Variants in CDYL2 observed in about 807,000 individuals in gnomAD.
CDYL2 encodes chromodomain Y-like protein 2.
A neutral mutation model predicts 49.4 loss-of-function variants in CDYL2; 23 were observed. That is an observed-to-expected ratio of 0.47 (90% CI 0.34 to 0.66). The LOEUF is 0.66. Among genes scored for constraint, CDYL2 ranks in the 30% least tolerant of loss-of-function variants. The pLI is 0.01. For synonymous variants in CDYL2, 360 were observed against 268.8 expected (o/e 1.34, Z -3.32); for missense variants, 678 against 656.4 (o/e 1.03, Z -0.36).
chr16:80,608,021 G>C (rs1180671680), intron 6 of CDYL2, 71 bp downstream of exon 6: 2 of 1,470,080 alleles, frequency 1.4e-6, no homozygotes, highest in East Asian at 2.6e-5. Context: ...GAAGCCCTCT[G>C]AGCCTTGCTG....
rs191379109 is a variant in CDYL2, at chr16:80,786,324, A to C, written c.24+17826T>G. 5.9e-5 allele frequency among the ~76,000 whole-genome samples: 9 copies of C among 152,372 alleles called. No homozygotes were observed. The East Asian group carries it at 1.7e-3, about 29-fold the overall frequency. On this transcript the variant is annotated intron_variant, in intron 1 of 6. Transcript: ENST00000570137. Reference sequence around the variant, plus strand: ...CAAAGGATATGAACAGACACTTCTCAAAAGAAGACATTTATGCAGCCAACA... The same window carrying C: ...CAAAGGATATGAACAGACACTTCTCCAAAGAAGACATTTATGCAGCCAACA...
chr16:80,653,676 A>G (rs1908682702), intron 2 of CDYL2, among the ~76,000 whole-genome samples: 1 of 152,212 alleles, frequency 6.6e-6, no homozygotes, highest in Non-Finnish European at 1.5e-5. Flanking sequence ...TTCCTCAAGC[A>G]TGTATTCTTT....
chr16:80,690,167 C>T (rs755684277), intron 1 of CDYL2, among the ~76,000 whole-genome samples: 1 of 151,736 alleles, frequency 6.6e-6, no homozygotes, highest in African/African-American at 2.4e-5. Context: ...AAAAAGGACT[C>T]GTACTCTGAT....
chr16:80,703,958 G>T (rs1434432260), intron 1 of CDYL2, among the ~76,000 whole-genome samples: 1 of 152,188 alleles, frequency 6.6e-6, no homozygotes, highest in Non-Finnish European at 1.5e-5. Flanking sequence ...ACTGCATACT[G>T]AATTCCAAAG....
intron 1 of CDYL2, among the ~76,000 whole-genome samples, chr16:80,706,601 G>C (rs1038043654): frequency 5.3e-5 from 8 of 152,196 alleles, no homozygotes; most frequent in Non-Finnish European, 7.3e-5. Flanking sequence ...CAAGCCGCTA[G>C]GGGCAGCCCC....
intron 2 of CDYL2, among the ~76,000 whole-genome samples, chr16:80,665,159 C>T (rs1004864977): frequency 3.3e-5 from 5 of 152,118 alleles, no homozygotes; most frequent in Non-Finnish European, 5.9e-5. Context: ...ATATTTTCTA[C>T]AAATCTTCTT....
intron 1 of CDYL2, among the ~76,000 whole-genome samples, chr16:80,761,044 T>C (rs1227939539): frequency 6.6e-6 from 1 of 152,106 alleles, no homozygotes; most frequent in East Asian, 1.9e-4. Flanking sequence ...GCGTTGTTAA[T>C]TGTGAAGAAA....
intron 1 of CDYL2, among the ~76,000 whole-genome samples, chr16:80,691,056 C>T (rs1296148163): frequency 6.6e-6 from 1 of 151,354 alleles, no homozygotes; most frequent in Non-Finnish European, 1.5e-5. Context: ...AAAAGCAAGG[C>T]CAAAAAAAAA....
chr16:80,676,732 CTT>C (rs977575117), intron 2 of CDYL2, among the ~76,000 whole-genome samples: 1 of 152,192 alleles, frequency 6.6e-6, no homozygotes, highest in African/African-American at 2.4e-5. Flanking sequence ...CTCCTCCTCT[CTT>C]TGTCTGGTTT....
At chr16:80,711,850 T>C (rs1461479667) in intron 1 of CDYL2, among the ~76,000 whole-genome samples, 2 of 152,086 alleles carry the variant, frequency 1.3e-5, no homozygotes, top group Non-Finnish European at 2.9e-5. Context: ...CATAATGCCC[T>C]GGCTGACCAC....
At chr16:80,780,293 C>T (rs1019826037) in intron 1 of CDYL2, among the ~76,000 whole-genome samples, 2 of 150,366 alleles carry the variant, frequency 1.3e-5, no homozygotes, top group Non-Finnish European at 3.0e-5. Flanking sequence ...TTATCAATAA[C>T]AACATGAAAC....
At chr16:80,646,294 C>T (rs1783572944) in intron 2 of CDYL2, among the ~76,000 whole-genome samples, 1 of 151,794 alleles carries the variant, frequency 6.6e-6, no homozygotes, top group African/African-American at 2.4e-5. Context: ...AAAAAATTAA[C>T]AAACAATAAA....
At chr16:80,619,363 T>A (rs930845830) in intron 4 of CDYL2, among the ~76,000 whole-genome samples, 23 of 152,218 alleles carry the variant, frequency 1.5e-4, no homozygotes, top group Admixed American at 4.6e-4. Context: ...GGGGTCTGCA[T>A]GCTAATGAGC....
At chr16:80,664,402 C>A (rs988905366) in intron 2 of CDYL2, among the ~76,000 whole-genome samples, 1 of 152,162 alleles carries the variant, frequency 6.6e-6, no homozygotes, top group African/African-American at 2.4e-5. Context: ...GGGAACAGCC[C>A]ATCCCCAGGG....
At position 80,804,399 on chromosome 16, in the gene CDYL2, G is replaced by A; in HGVS notation, c.-226C>T. The A allele has an allele frequency of 3.1e-5, 5 of 162,206 alleles. No individual in the cohort carries two copies. The highest frequency in any genetic ancestry group is 1.7e-4 in the South Asian group (1 of 5,898). The allele number at this position is 162,206 out of a possible 1,614,324, so 10.0% of individuals were successfully genotyped here. Reference sequence around the variant, plus strand: ...GGCTGGCGTAACCGGCAGCAGCGGCGGCGGCGGCGGCGGCGGCACGAGCGC... The same window carrying A: ...GGCTGGCGTAACCGGCAGCAGCGGCAGCGGCGGCGGCGGCGGCACGAGCGC... On this transcript the variant is annotated 5_prime_UTR_variant, in exon 1 of 7. Transcript: ENST00000570137.
chr16:80,803,978 G>GGCGGCGT (rs1327182903), intron 1 of CDYL2, among the ~76,000 whole-genome samples, 172 bp downstream of exon 1: 1 of 138,086 alleles, frequency 7.2e-6, no homozygotes, highest in African/African-American at 2.6e-5. Flanking sequence ...GCGGGCGGCG[G>GGCGGCGT]GCGGGAGGCG....
At chr16:80,701,860 T>C (rs1904302875) in intron 1 of CDYL2, among the ~76,000 whole-genome samples, 1 of 152,232 alleles carries the variant, frequency 6.6e-6, no homozygotes, top group South Asian at 2.1e-4. Flanking sequence ...AGAAGAATAA[T>C]GAGAAGGCAC....
rs968762452 is a variant in CDYL2, at chr16:80,764,692, T to C, written c.24+39458A>G. Among the ~76,000 whole-genome samples, 6 of 151,998 alleles carry C rather than the reference T, an allele frequency of 3.9e-5. No individual in the cohort carries two copies. In the East Asian group the frequency reaches 1.2e-3, roughly 29 times the overall value. ...ATACTGTAGTGGTCATCGCCATCCG[T>C]GGGAAAAGAAGTTAAGAAAATAATA... On this transcript the variant is annotated intron_variant, in intron 1 of 6. Coordinates refer to ENST00000570137, the MANE Select transcript of CDYL2 (RefSeq NM_152342.4).
chr16:80,629,630 C>G (rs1041705545), intron 3 of CDYL2, among the ~76,000 whole-genome samples: 1 of 152,224 alleles, frequency 6.6e-6, no homozygotes, highest in African/African-American at 2.4e-5. Flanking sequence ...TCTCCTGGTT[C>G]TCTGCTGTAT....
Sources: gnomAD v4.1 joint callset for allele counts (sites outside exome capture counted in the v4.1 genomes callset) on GRCh38, gnomAD v4.1.1 for gene constraint, MANE v1.5 for transcripts, NCBI Gene and HGNC (gene_info 2026-07-23, HGNC 2026-07-21) for gene names.